IGF1R: variants seen among roughly 807,000 people sequenced by gnomAD.
The protein encoded by IGF1R is insulin-like growth factor 1 receptor.
Under a neutral mutation model 144.6 loss-of-function variants are expected in IGF1R, and 44 were observed. That is an observed-to-expected ratio of 0.30 (90% confidence interval 0.24 to 0.39). The LOEUF (loss-of-function observed/expected upper bound fraction) is 0.39. Ranked by LOEUF, IGF1R falls within the 10% of genes least tolerant of loss-of-function variation. The pLI is 1.00. For synonymous variants in IGF1R, 795 were observed against 722.8 expected (o/e 1.10, Z -1.60); for missense variants, 1,355 against 1,833.7 (o/e 0.74, Z 4.77).
intron 2 of IGF1R, among the ~76,000 whole-genome samples, chr15:98,803,431 A>G (rs1246927779): frequency 2.0e-5 from 3 of 152,192 alleles, no homozygotes; most frequent in Admixed American, 6.5e-5. Flanking sequence ...TCAGTGAGTC[A>G]GTGGTGAGTA....
chr15:98,652,311 T>G (rs1567058194), intron 1 of IGF1R, among the ~76,000 whole-genome samples: 1 of 152,240 alleles, frequency 6.6e-6, no homozygotes, highest in South Asian at 2.1e-4. Flanking sequence ...CCCATCTCCT[T>G]AAAAGGATTC....
chr15:98,879,540 T>C lies in IGF1R; in HGVS notation c.641-11785T>C, dbSNP rs145802557. ...ACGGGGGTGAACATTCCCTGACAGA[T>C]TGGATGTCTCTTAACTCTTTTTTCC... On this transcript the variant is annotated intron_variant, in intron 2 of 20. Coordinates refer to ENST00000650285, the MANE Select transcript of IGF1R (RefSeq NM_000875.5). 2.6e-5 allele frequency among the ~76,000 whole-genome samples: 4 copies of C among 152,224 alleles called. No homozygotes were observed. The East Asian group carries it at 5.8e-4, about 22-fold the overall frequency.
At chr15:98,662,214 C>T (rs1229907990) in intron 1 of IGF1R, among the ~76,000 whole-genome samples, 1 of 151,882 alleles carries the variant, frequency 6.6e-6, no homozygotes, top group Non-Finnish European at 1.5e-5. Context: ...CTCCTGGCCT[C>T]AAGCAATCCA....
rs2017191045 is a variant in IGF1R at position 98,960,748 on chromosome 15, C to A, written c.*3306C>A. 1 of 233,472 alleles carries A rather than the reference C, an allele frequency of 4.3e-6. No homozygotes were observed. The highest frequency in any genetic ancestry group is 8.5e-6 in the Non-Finnish European group (1 of 118,176). The allele number at this position is 233,472 out of a possible 1,614,324, so 14.5% of individuals were successfully genotyped here. On this transcript the variant is annotated 3_prime_UTR_variant, in exon 21 of 21. Transcript: ENST00000650285. ...AATGCAGAGGCTCCTGACCTCACAG[C>A]CAGTCCCTGATAGAACACACGCAGG...
rs74929959 is a variant in IGF1R, at chr15:98,661,403, G to T, written c.94+11728G>T. On this transcript the variant is annotated intron_variant, in intron 1 of 20. Transcript: ENST00000650285. ...ACTCCTGAACTTAATGAACACCTTAGAAATTATCCTTAAAGTCTCCTCTTC... is the reference window on the plus strand; with the variant it reads ...ACTCCTGAACTTAATGAACACCTTATAAATTATCCTTAAAGTCTCCTCTTC... Among the ~76,000 whole-genome samples, 1,498 of 152,314 alleles carry T rather than the reference G, an allele frequency of 9.8e-3. 22 individuals are homozygous for T. The highest frequency in any genetic ancestry group is 0.034 in the African/African-American group (1,419 of 41,546).
chr15:98,956,167 G>A (rs940010555), intron 20 of IGF1R, among the ~76,000 whole-genome samples: 2 of 152,248 alleles, frequency 1.3e-5, no homozygotes, highest in Non-Finnish European at 1.5e-5. Flanking sequence ...TTCTTGGGGA[G>A]CCCCGGCCAC....
chr15:98,924,768 G>C (rs1314434967), intron 13 of IGF1R, 84 bp downstream of exon 13: 2 of 1,260,036 alleles, frequency 1.6e-6, no homozygotes, highest in Admixed American at 1.7e-5. Context: ...GTTCATGGCT[G>C]TCTTATTTTC....
intron 12 of IGF1R, 41 bp downstream of exon 12, chr15:98,924,053 T>C (rs1489521819): frequency 6.3e-7 from 1 of 1,592,560 alleles, no homozygotes; most frequent in Non-Finnish European, 8.6e-7. Flanking sequence ...TGTACTTCCA[T>C]CCATTGACAG....
At chr15:98,656,865 T>C (rs1445308843) in intron 1 of IGF1R, among the ~76,000 whole-genome samples, 4 of 152,246 alleles carry the variant, frequency 2.6e-5, no homozygotes, top group South Asian at 4.1e-4. Flanking sequence ...TTGTATACTT[T>C]TGTTCAACCA....
intron 4 of IGF1R, 79 bp downstream of exon 4, chr15:98,896,984 G>A (rs1454603385): frequency 7.3e-7 from 1 of 1,374,574 alleles, no homozygotes; most frequent in East Asian, 2.3e-5. Context: ...TCCCGTCCCT[G>A]AGTCACCACT....
chr15:98,761,679 G>T (rs1299614191), intron 2 of IGF1R, among the ~76,000 whole-genome samples: 2 of 152,228 alleles, frequency 1.3e-5, no homozygotes, highest in East Asian at 3.8e-4. Context: ...TTTCCATCCA[G>T]TGGCTTAGTG....
intron 3 of IGF1R, among the ~76,000 whole-genome samples, chr15:98,893,119 A>G (rs1359742484): frequency 6.6e-6 from 1 of 152,224 alleles, no homozygotes; most frequent in South Asian, 2.1e-4. Flanking sequence ...CTATTCTACA[A>G]ATATAAAAAT....
intron 1 of IGF1R, among the ~76,000 whole-genome samples, chr15:98,678,151 C>CACCT (rs2053094331): frequency 6.6e-6 from 1 of 152,176 alleles, no homozygotes; most frequent in Admixed American, 6.5e-5. Flanking sequence ...GTGGTTGTTA[C>CACCT]ACCTATTAAT....
chr15:98,721,533 G>A (rs1011800717), intron 2 of IGF1R, among the ~76,000 whole-genome samples: 5 of 152,116 alleles, frequency 3.3e-5, no homozygotes, highest in Non-Finnish European at 5.9e-5. Context: ...AGGAGGTGGC[G>A]ATGGCAGTGG....
At chr15:98,864,846 G>T (rs926905317) in intron 2 of IGF1R, among the ~76,000 whole-genome samples, 2 of 152,062 alleles carry the variant, frequency 1.3e-5, no homozygotes, top group South Asian at 4.1e-4. Context: ...TGATGAAACC[G>T]AATGGCTAAA....
At chr15:98,651,872 T>C (rs2052376103) in intron 1 of IGF1R, among the ~76,000 whole-genome samples, 1 of 151,224 alleles carries the variant, frequency 6.6e-6, no homozygotes, top group African/African-American at 2.4e-5. Context: ...TGCCCCTCCC[T>C]CCATCTCTGA....
intron 2 of IGF1R, among the ~76,000 whole-genome samples, chr15:98,821,989 C>T (rs956483172): frequency 6.6e-6 from 1 of 152,162 alleles, no homozygotes; most frequent in Non-Finnish European, 1.5e-5. Context: ...TGCTAAAATA[C>T]TTGTAGGTAT....
intron 2 of IGF1R, among the ~76,000 whole-genome samples, chr15:98,870,499 G>A (rs1422523270): frequency 6.6e-6 from 1 of 152,192 alleles, no homozygotes; most frequent in Non-Finnish European, 1.5e-5. Flanking sequence ...CCAGGCAGGT[G>A]GAACAGCGTG....
At position 98,903,717 on chromosome 15, in the gene IGF1R, G is replaced by A. The variant is rs553393058; in HGVS notation, c.1247+4096G>A. ...AAGATAAATGGATAAATGAAATGTG[G>A]CACAAAGGACAACTGACTACTCAAC... is the stretch of plus-strand genomic sequence containing the variant. On this transcript the variant is annotated intron_variant, in intron 5 of 20. Transcript: ENST00000650285. Among the ~76,000 whole-genome samples, 200 of 152,306 alleles carry A rather than the reference G, an allele frequency of 1.3e-3. 2 individuals carry two copies. Among genetic ancestry groups the A allele is most frequent in the African/African-American group, 4.7e-3 (196 of 41,564 alleles).
Sources: gnomAD v4.1 joint callset for allele counts (sites outside exome capture counted in the v4.1 genomes callset) on GRCh38, gnomAD v4.1.1 for gene constraint, MANE v1.5 for transcripts, NCBI Gene and HGNC (gene_info 2026-07-23, HGNC 2026-07-21) for gene names.